CROT: variants seen among roughly 807,000 people sequenced by gnomAD.
CROT encodes carnitine O-octanoyltransferase, also known as peroxisomal carnitine O-octanoyltransferase.
In CROT, 84 loss-of-function variants were observed where a neutral mutation model predicts 89.2. The observed-to-expected ratio is 0.94, with a 90% CI of 0.79 to 1.13. The LOEUF (loss-of-function observed/expected upper bound fraction) is 1.13. Among genes scored for constraint, CROT ranks in the 50% most tolerant of loss-of-function variants. The pLI is 0.00. For missense variants in CROT, 711 were observed against 727.8 expected, an observed-to-expected ratio of 0.98 and a Z score of 0.27; for synonymous variants, 212 against 239.5, an observed-to-expected ratio of 0.89 and a Z score of 1.06.
rs1806200862 is a variant in CROT at position 87,359,291 on chromosome 7, C to CTTT, written c.201_202insTTT (p.His67_Gln68insPhe). 1 of 1,599,878 alleles carries CTTT rather than the reference C, an allele frequency of 6.3e-7. No individual in the cohort carries two copies. Among genetic ancestry groups the CTTT allele is most frequent in the Non-Finnish European group, 8.6e-7 (1 of 1,169,120 alleles). ...AAAGTGGGATTGGAGAAAAATTGCA[C>CTTT]CAGAAATTGCTTGAAAGAGCAAAAG... On this transcript the variant is annotated inframe_insertion, in exon 4 of 18. Coordinates refer to ENST00000331536, the MANE Select transcript of CROT (RefSeq NM_021151.4).
chr7:87,354,368 A>G (rs537733664), intron 3 of CROT: 29 of 518,592 alleles, frequency 5.6e-5, no homozygotes, highest in Middle Eastern at 6.4e-4. Context: ...TAACCTGGAC[A>G]TCAAACCTGA....
At chr7:87,389,989 T>A (rs891753912) in intron 13 of CROT, among the ~76,000 whole-genome samples, 1 of 152,172 alleles carries the variant, frequency 6.6e-6, no homozygotes, top group Non-Finnish European at 1.5e-5. Flanking sequence ...AAGTCTTTTT[T>A]AAATATGGGA....
At chr7:87,348,381 C>T (rs1238474687) in intron 2 of CROT, among the ~76,000 whole-genome samples, 1 of 152,142 alleles carries the variant, frequency 6.6e-6, no homozygotes. Context: ...GTGTAGACCT[C>T]ATACGACCTG....
At chr7:87,373,287 GT>G (rs1562933591) in intron 7 of CROT, among the ~76,000 whole-genome samples, 1 of 151,834 alleles carries the variant, frequency 6.6e-6, no homozygotes, top group Admixed American at 6.6e-5. Context: ...AAATTAGTTT[GT>G]TTTTTTATTA....
In CROT at chr7:87,399,050, G is replaced by T; in HGVS notation, c.*406G>T. On this transcript the variant is annotated 3_prime_UTR_variant, in exon 18 of 18. Transcript: ENST00000331536. Reference sequence around the variant, plus strand: ...TCTTTCAAGCACTTTAATTTTTTTAGCTGCCAAAGGGTATGAATTACATTA... The same window carrying T: ...TCTTTCAAGCACTTTAATTTTTTTATCTGCCAAAGGGTATGAATTACATTA... 5.8e-6 allele frequency: 1 copy of T among 173,066 alleles called. No homozygotes were observed. 10.7% of individuals were successfully genotyped at this position (173,066 alleles called of 1,614,324 possible).
chr7:87,372,582 C>T (rs1388067326), intron 7 of CROT, among the ~76,000 whole-genome samples: 2 of 152,128 alleles, frequency 1.3e-5, no homozygotes, highest in Non-Finnish European at 2.9e-5. Context: ...TTTACATAAA[C>T]ATCTGGATTT....
intron 10 of CROT, among the ~76,000 whole-genome samples, chr7:87,380,380 T>C (rs532508666): frequency 1.3e-5 from 2 of 152,254 alleles, no homozygotes; most frequent in East Asian, 3.9e-4. Context: ...ATTATTGCTG[T>C]GAGCTAGATC....
At chr7:87,348,890 CTCTA>C (rs1428504345) in intron 2 of CROT, among the ~76,000 whole-genome samples, 154 bp from the exon 3 acceptor site, 1 of 152,172 alleles carries the variant, frequency 6.6e-6, no homozygotes, top group Non-Finnish European at 1.5e-5. Context: ...AGTTGGTTTT[CTCTA>C]TCTGACAGAT....
At chr7:87,361,235 T>C (rs1002832160) in intron 4 of CROT, among the ~76,000 whole-genome samples, 155 bp from the exon 5 acceptor site, 5 of 152,092 alleles carry the variant, frequency 3.3e-5, no homozygotes, top group African/African-American at 1.2e-4. Context: ...AGTGCTGGGA[T>C]TATAGGTGTG....
intron 13 of CROT, among the ~76,000 whole-genome samples, chr7:87,385,663 C>T (rs1426948257): frequency 2.0e-5 from 3 of 152,102 alleles, no homozygotes; most frequent in Non-Finnish European, 4.4e-5. Flanking sequence ...TTTGAGTGCT[C>T]TTTATTTCAT....
intron 3 of CROT, 40 bp downstream of exon 3, chr7:87,349,223 T>A: frequency 9.9e-7 from 1 of 1,013,364 alleles, no homozygotes. Context: ...ATATTATTAG[T>A]AACTTAGAAA....
Position 87,361,868 on chromosome 7 carries a change from G to A in CROT, c.547+16G>A. On this transcript the variant is annotated intron_variant, in intron 6 of 17. Coordinates refer to ENST00000331536, the MANE Select transcript of CROT (RefSeq NM_021151.4). ...TTTAGGACTGGTAAGTAAAAATGCA[G>A]ATATCGTTTTTAGTAAAGGCACTGG... 6.4e-7 allele frequency: 1 copy of A among 1,560,498 alleles called. No homozygotes were observed. Among genetic ancestry groups the A allele is most frequent in the Non-Finnish European group, 8.6e-7 (1 of 1,156,320 alleles).
chr7:87,382,545 T>TAA lies in CROT; in HGVS notation c.1301+3_1301+4dup. 4 of 1,608,942 alleles carry TAA rather than the reference T, an allele frequency of 2.5e-6. No homozygotes were observed. Among genetic ancestry groups the TAA allele is most frequent in the Non-Finnish European group, 3.4e-6 (4 of 1,178,640 alleles). On this transcript the variant is annotated splice_region_variant and intron_variant, in intron 13 of 17. Transcript: ENST00000331536. ...GGCCTATTACAGACTTCATGGACAGTAAGGACCATTCAGTTTCTATTTTCA... is the reference window on the plus strand; with the variant it reads ...GGCCTATTACAGACTTCATGGACAGTAAAAGGACCATTCAGTTTCTATTTTCA...
chr7:87,358,495 A>G (rs1226177363), intron 3 of CROT, among the ~76,000 whole-genome samples: 1 of 151,468 alleles, frequency 6.6e-6, no homozygotes, highest in Non-Finnish European at 1.5e-5. Flanking sequence ...AAAAAAAAAA[A>G]AAAAAGAAAA....
chr7:87,353,461 C>A (rs1274959677), intron 3 of CROT, among the ~76,000 whole-genome samples: 1 of 152,012 alleles, frequency 6.6e-6, no homozygotes, highest in East Asian at 1.9e-4. Context: ...TTAACTGATT[C>A]TTTTCTAGTA....
At chr7:87,388,394 A>T (rs962476687) in intron 13 of CROT, among the ~76,000 whole-genome samples, 2 of 152,230 alleles carry the variant, frequency 1.3e-5, no homozygotes, top group Admixed American at 1.3e-4. Flanking sequence ...GGCTACAGTA[A>T]CCAAAACAGC....
intron 7 of CROT, among the ~76,000 whole-genome samples, chr7:87,373,515 T>G (rs1050118417): frequency 6.6e-6 from 1 of 152,078 alleles, no homozygotes; most frequent in African/African-American, 2.4e-5. Context: ...ACATGAAGAT[T>G]TACACATATA....
chr7:87,363,975 T>C (rs1196146317), intron 6 of CROT, among the ~76,000 whole-genome samples: 1 of 152,188 alleles, frequency 6.6e-6, no homozygotes, highest in South Asian at 2.1e-4. Flanking sequence ...CTTCAACATA[T>C]TTGGCTTGAG....
chr7:87,377,478 T>G, intron 10 of CROT, 28 bp downstream of exon 10: 1 of 1,327,580 alleles, frequency 7.5e-7, no homozygotes, highest in Non-Finnish European at 1.1e-6. Context: ...ATTTTTCTCT[T>G]TTGATCTTTT....
Sources: allele counts gnomAD v4.1 joint callset (sites outside exome capture counted in the v4.1 genomes callset), GRCh38; gene constraint gnomAD v4.1.1; transcripts MANE v1.5; gene names NCBI Gene and HGNC (gene_info 2026-07-23, HGNC 2026-07-21).